The following GLB1 variants were observed in gnomAD, a reference collection of about 807,000 sequenced individuals.
GLB1 encodes galactosidase beta 1.
Under a neutral mutation model 74.0 loss-of-function variants are expected in GLB1, and 56 were observed. The observed-to-expected ratio is 0.76, with a 90% CI of 0.61 to 0.94. The LOEUF is 0.94. GLB1 is among the 40% of genes least tolerant of loss of function. The pLI is 0.00. For synonymous variants in GLB1, 323 were observed against 323.6 expected (o/e 1.00, Z 0.02); for missense variants, 787 against 845.5 (o/e 0.93, Z 0.86).
the GLB1 span, among the ~76,000 whole-genome samples, chr3:32,990,790 G>A: frequency 1.3e-5 from 2 of 152,092 alleles, no homozygotes; most frequent in Non-Finnish European, 2.9e-5. Context: ...TGGCTAACAC[G>A]GTGAAACCCC....
intron 1 of GLB1, among the ~76,000 whole-genome samples, chr3:33,073,849 A>AAAAC (rs373254018): frequency 9.2e-5 from 14 of 151,524 alleles, no homozygotes; most frequent in African/African-American, 2.7e-4. Context: ...TCTCTACAAA[A>AAAAC]AAACAAACAA....
At chr3:33,079,421 A>G (rs1341879703) in intron 1 of GLB1, among the ~76,000 whole-genome samples, 1 of 152,256 alleles carries the variant, frequency 6.6e-6, no homozygotes, top group African/African-American at 2.4e-5. Context: ...TATTTATTTT[A>G]GCAAGAGGAG....
intron 1 of GLB1, chr3:33,096,774 C>A (rs932231352): frequency 4.6e-5 from 61 of 1,326,984 alleles, no homozygotes; most frequent in Non-Finnish European, 4.4e-5. Flanking sequence ...AAAGGGCGGC[C>A]GGAGCGGAAC....
At chr3:33,054,896 C>T (rs1473003376) in intron 6 of GLB1, among the ~76,000 whole-genome samples, 1 of 152,208 alleles carries the variant, frequency 6.6e-6, no homozygotes. Flanking sequence ...AATGCCCTGG[C>T]CCCACACTTC....
At chr3:32,968,768 TCTAA>T in the GLB1 span, among the ~76,000 whole-genome samples, 16 of 152,144 alleles carry the variant, frequency 1.1e-4, no homozygotes, top group Admixed American at 1.3e-4. Flanking sequence ...GACCGCCAGA[TCTAA>T]CTAACTAAGC....
At chr3:33,094,371 A>C in intron 1 of GLB1, 1 of 1,374,102 alleles carries the variant, frequency 7.3e-7, no homozygotes, top group Admixed American at 3.2e-5. Flanking sequence ...CAAAACTCAA[A>C]GGCCACTTAC....
At position 33,061,256 on chromosome 3, in the gene GLB1, CA is replaced by C. The variant is rs11348689; in HGVS notation, c.553-2988del. Among the ~76,000 whole-genome samples, 1,458 of 151,904 alleles carry C rather than the reference CA, an allele frequency of 9.6e-3. 33 individuals carry two copies. Among genetic ancestry groups the C allele is most frequent in the African/African-American group, 0.033 (1,383 of 41,420 alleles). On this transcript the variant is annotated intron_variant, in intron 5 of 15. Coordinates refer to ENST00000307363, the MANE Select transcript of GLB1 (RefSeq NM_000404.4). Reference sequence around the variant, plus strand: ...TGAAACCCCATCTCTACTAAAAATACAAAAAAAATTAGCCAGGCATGATGGC... The same window carrying C: ...TGAAACCCCATCTCTACTAAAAATACAAAAAAATTAGCCAGGCATGATGGC...
chr3:33,034,845 G>A (rs1164355008), intron 10 of GLB1: 3 of 552,956 alleles, frequency 5.4e-6, no homozygotes, highest in Non-Finnish European at 7.2e-6. Context: ...GCCAGCTCCA[G>A]GACTGACTGA....
At chr3:33,007,131 G>A (rs894449982) in intron 15 of GLB1, among the ~76,000 whole-genome samples, 14 of 152,212 alleles carry the variant, frequency 9.2e-5, no homozygotes, top group African/African-American at 3.4e-4. Flanking sequence ...CATTGGTTCT[G>A]TGTTAGGTAG....
At position 33,024,281 on chromosome 3, in the gene GLB1, C is replaced by T. The variant is rs771821159; in HGVS notation, c.1113G>A (p.Lys371=). The T allele has an allele frequency of 1.2e-6, 2 of 1,613,140 alleles. No individual in the cohort carries two copies. The highest frequency in any genetic ancestry group is 1.7e-6 in the Non-Finnish European group (2 of 1,179,934). ...PEGPIPPSTP[K]FAYGKVTLEK... ...CCAAAGTGACCTTTCCATATGCAAA[C>T]TTTGGTGTAGATGGAGGGATAGGAC... is the stretch of plus-strand genomic sequence containing the variant. Residue 371 remains lysine, a synonymous_variant, in exon 11 of 16, where the codon AAG becomes AAA. Coordinates refer to ENST00000307363, the MANE Select transcript of GLB1 (RefSeq NM_000404.4).
rs1699010204 is a variant in GLB1, at chr3:33,051,921, G to A, written c.876C>T (p.Ser292=). The change falls in exon 8 of 16, where the codon TCC becomes TCT. Residue 292 remains serine (S), a synonymous_variant. Coordinates refer to ENST00000307363, the MANE Select transcript of GLB1 (RefSeq NM_000404.4). ...STIKTEAVAS[S]LYDILARGAS... is the part of the protein sequence containing the mutation. ...CCCCACGGGCAAGTATATCATAGAG[G>A]GAGGAAGCCACTGCTTCGGTCTTGA... 1 of 1,614,202 alleles carries A rather than the reference G, an allele frequency of 6.2e-7. No homozygotes were observed. The highest frequency in any genetic ancestry group is 8.5e-7 in the Non-Finnish European group (1 of 1,180,040).
chr3:33,018,644 C>A, intron 12 of GLB1, 83 bp from the exon 13 acceptor site: 2 of 1,405,796 alleles, frequency 1.4e-6, no homozygotes, highest in Non-Finnish European at 2.0e-6. Flanking sequence ...TGTATGAAAG[C>A]GATGTTTCTC....
At chr3:33,058,035 G>C in intron 6 of GLB1, 54 bp downstream of exon 6, 1 of 1,607,802 alleles carries the variant, frequency 6.2e-7, no homozygotes, top group South Asian at 1.1e-5. Context: ...CAGAGCAACT[G>C]ACTGAGTAAA....
chr3:33,090,296 G>C (rs953372962), intron 1 of GLB1: 31 of 657,438 alleles, frequency 4.7e-5, no homozygotes, highest in Non-Finnish European at 5.7e-5. Context: ...AGGTGGGGCA[G>C]GGGTAGCTGA....
chr3:33,076,982 G>T, intron 1 of GLB1: 1 of 1,070,522 alleles, frequency 9.3e-7, no homozygotes, highest in Non-Finnish European at 1.2e-6. Flanking sequence ...CCAGCAATTT[G>T]GGAGGCCAAG....
At chr3:33,037,212 AT>A (rs1434994924) in intron 10 of GLB1, among the ~76,000 whole-genome samples, 3 of 151,854 alleles carry the variant, frequency 2.0e-5, no homozygotes, top group African/African-American at 4.8e-5. Context: ...TGCCAGCCTA[AT>A]TTTTGTATTT....
chr3:33,035,328 A>C (rs968582625), intron 10 of GLB1, among the ~76,000 whole-genome samples: 1 of 152,050 alleles, frequency 6.6e-6, no homozygotes, highest in Non-Finnish European at 1.5e-5. Flanking sequence ...ACTGCTCAGG[A>C]GGCTGAGGCA....
intron 10 of GLB1, among the ~76,000 whole-genome samples, chr3:33,036,720 C>G (rs1166899647): frequency 2.8e-5 from 1 of 35,130 alleles, no homozygotes; most frequent in African/African-American, 5.4e-5. Context: ...AATTCTGACA[C>G]GTTACAACGT....
chr3:32,998,630 AAAAG>A (rs1305846898), intron 15 of GLB1, among the ~76,000 whole-genome samples: 1 of 152,188 alleles, frequency 6.6e-6, no homozygotes. Flanking sequence ...ACATACACGC[AAAAG>A]AAAGAGAAAA....
Sources: gnomAD v4.1 joint callset for allele counts (sites outside exome capture counted in the v4.1 genomes callset) on GRCh38, gnomAD v4.1.1 for gene constraint, MANE v1.5 for transcripts, NCBI Gene and HGNC (gene_info 2026-07-23, HGNC 2026-07-21) for gene names.